RSPH10B: variants seen among roughly 807,000 people sequenced by gnomAD.
RSPH10B encodes radial spoke head 10 homolog B.
In RSPH10B, 7 loss-of-function variants were observed where a neutral mutation model predicts 52.5. That is an observed-to-expected ratio of 0.13 (90% confidence interval 0.08 to 0.25). The LOEUF (loss-of-function observed/expected upper bound fraction) is 0.25. Among genes scored for constraint, RSPH10B ranks in the 10% least tolerant of loss-of-function variants. RSPH10B has a pLI of 1.00. For synonymous variants in RSPH10B, 28 were observed against 193.2 expected (o/e 0.14, Z 7.09); for missense variants, 89 against 542.5 (o/e 0.16, Z 8.30).
chr7:5,942,896 T>TTA (rs1188484420), intron 13 of RSPH10B, among the ~76,000 whole-genome samples: 30 of 129,420 alleles, frequency 2.3e-4, no homozygotes, highest in South Asian at 4.5e-4. Flanking sequence ...TATATATTTA[T>TTA]TATATATATA....
intron 10 of RSPH10B, among the ~76,000 whole-genome samples, chr7:5,947,749 G>C (rs1780488578): frequency 1.9e-5 from 1 of 52,288 alleles, no homozygotes; most frequent in African/African-American, 6.8e-5. Context: ...CAAAAAAACA[G>C]ATGAAAGTTC....
rs564104740 is a variant in RSPH10B at position 5,928,321 on chromosome 7, AAAG to A, written c.2304_2306del (p.Phe769del). 913 of 1,612,778 alleles carry A rather than the reference AAAG, an allele frequency of 5.7e-4. 5 individuals carry two copies. In the African/African-American group the frequency reaches 0.011, roughly 19 times the overall value. On this transcript the variant is annotated inframe_deletion, in exon 18 of 19. Transcript: ENST00000337579. ...TATACGCATGAAAGAGCGTGTTCAC[AAAG>A]AAGACGTACATATTATTGACCCACG...
intron 17 of RSPH10B, among the ~76,000 whole-genome samples, chr7:5,928,905 C>A (rs1330506232): frequency 6.7e-6 from 1 of 148,972 alleles, no homozygotes; most frequent in African/African-American, 2.5e-5. Context: ...GGATTACAGG[C>A]ATGAGCCACT....
At chr7:5,965,824 A>AAAAAAAT (rs1554291032) in intron 1 of RSPH10B, 112 bp from the exon 4 acceptor site, 1 of 155,652 alleles carries the variant, frequency 6.4e-6, no homozygotes, top group African/African-American at 4.8e-5. Flanking sequence ...GAAAAAAAAA[A>AAAAAAAT]ATATATATAT....
chr7:5,927,095 TG>T (rs1779527614), intron 18 of RSPH10B, among the ~76,000 whole-genome samples: 2 of 143,584 alleles, frequency 1.4e-5, no homozygotes, highest in Non-Finnish European at 3.1e-5. Flanking sequence ...TGTGTGTGTG[TG>T]TATTTTTTTT....
chr7:5,950,873 AC>A (rs1780583469), intron 9 of RSPH10B, among the ~76,000 whole-genome samples: 1 of 30,196 alleles, frequency 3.3e-5, no homozygotes, highest in Non-Finnish European at 7.5e-5. Flanking sequence ...GCTTTTGAAA[AC>A]GCAATTCAAC....
At chr7:5,943,059 A>G (rs1279097464) in intron 13 of RSPH10B, among the ~76,000 whole-genome samples, 1 of 150,406 alleles carries the variant, frequency 6.6e-6, no homozygotes, top group East Asian at 1.9e-4. Flanking sequence ...ATATATATGC[A>G]TGCCATGGGC....
intron 17 of RSPH10B, among the ~76,000 whole-genome samples, chr7:5,931,856 A>T (rs1779792055): frequency 6.6e-6 from 1 of 150,910 alleles, no homozygotes; most frequent in African/African-American, 2.4e-5. Flanking sequence ...AGGTGCAGTG[A>T]TGGGTGCCTG....
At chr7:5,941,519 C>T (rs1780184997) in intron 13 of RSPH10B, among the ~76,000 whole-genome samples, 5 of 149,236 alleles carry the variant, frequency 3.4e-5, no homozygotes, top group Admixed American at 2.7e-4. Context: ...CCGACACGGG[C>T]GGATCACGAG....
At chr7:5,956,832 G>T (rs1583241326) in intron 6 of RSPH10B, among the ~76,000 whole-genome samples, 1 of 91,034 alleles carries the variant, frequency 1.1e-5, no homozygotes, top group African/African-American at 3.6e-5. Context: ...AAAGTGCTGG[G>T]ATTACACGTG....
intron 7 of RSPH10B, among the ~76,000 whole-genome samples, chr7:5,954,988 TAAAAAA>T (rs1185408288): frequency 1.7e-4 from 4 of 24,160 alleles, no homozygotes; most frequent in African/African-American, 4.9e-4. Flanking sequence ...CTGTAACTAC[TAAAAAA>T]AAAAAAAAAA....
intron 17 of RSPH10B, among the ~76,000 whole-genome samples, chr7:5,929,001 C>T (rs567878593): frequency 1.4e-5 from 2 of 146,410 alleles, no homozygotes; most frequent in Non-Finnish European, 1.5e-5. Context: ...TAAAAAAACT[C>T]GTTTCTCTTG....
intron 18 of RSPH10B, among the ~76,000 whole-genome samples, chr7:5,927,209 T>C (rs1248325428): frequency 1.8e-4 from 23 of 131,330 alleles, no homozygotes; most frequent in South Asian, 1.2e-3. Context: ...CCTGCCTCAG[T>C]CTCCAAAGTA....
In RSPH10B at chr7:5,944,887, G is replaced by A. The variant is rs529712875; in HGVS notation, c.1529+177C>T. Among the ~76,000 whole-genome samples, 10 of 147,514 alleles carry A rather than the reference G, an allele frequency of 6.8e-5. No individual in the cohort carries two copies. The South Asian group carries it at 1.3e-3, about 19-fold the overall frequency. On this transcript the variant is annotated intron_variant, in intron 11 of 18. Coordinates refer to ENST00000337579, the Ensembl canonical transcript of RSPH10B. ...CTGAGGCAGAAGAATTGCTTGAACC[G>A]GGGAGGCAGAGGTTGCAGTGAGCCA...
chr7:5,943,646 C>T (rs1451813603), intron 12 of RSPH10B, among the ~76,000 whole-genome samples, 174 bp from the exon 15 acceptor site: 5 of 148,282 alleles, frequency 3.4e-5, no homozygotes, highest in Admixed American at 1.4e-4. Context: ...CAGGCTCAAG[C>T]GATTCTCCTG....
At chr7:5,945,598 AAC>A in intron 10 of RSPH10B, among the ~76,000 whole-genome samples, 1 of 76,712 alleles carries the variant, frequency 1.3e-5, no homozygotes, top group African/African-American at 5.0e-5. Flanking sequence ...CAGCCTGGGC[AAC>A]AGAGCGAGAC....
intron 13 of RSPH10B, among the ~76,000 whole-genome samples, chr7:5,942,908 T>A (rs867734798): frequency 2.6e-5 from 3 of 117,434 alleles, no homozygotes; most frequent in Admixed American, 9.8e-5. Context: ...ATATATATAT[T>A]TATTTATATA....
Position 5,940,159 on chromosome 7 carries a change from C to T in RSPH10B, c.1759-1330G>A, listed in dbSNP as rs1259389372. Among the ~76,000 whole-genome samples the T allele has an allele frequency of 1.4e-4, 14 of 101,242 alleles. 1 individual carries two copies. Among genetic ancestry groups the T allele is most frequent in the Non-Finnish European group, 2.1e-4 (9 of 43,712 alleles). The allele number at this position is 101,242 out of a possible 152,430, so 66.4% of individuals were successfully genotyped here. A position where few individuals can be genotyped will look rare whatever the true frequency, so the allele number is the denominator to read the frequency against. On this transcript the variant is annotated intron_variant, in intron 13 of 18. Transcript: ENST00000337579. ...TTGCAGTGAGGTGAGATCGTGCCAC[C>T]GCACTCCAGCCTGGGTGACAGAGCA...
chr7:5,957,909 G>A lies in RSPH10B; in HGVS notation c.778C>T (p.Gln260Ter), dbSNP rs1780783876. Residue 260 changes from glutamine to a stop codon, truncating the protein, a stop_gained and splice_region_variant, in exon 6 of 19, where the codon CAG becomes TAG. Coordinates refer to ENST00000337579, the Ensembl canonical transcript of RSPH10B. LOFTEE classifies it high-confidence loss of function. Reference sequence around the variant, plus strand: ...GCTGCTACCCCGCCCGGGCGTACCTGGATGCCCCTCTCCCACCGCCCGGTG... The same window carrying A: ...GCTGCTACCCCGCCCGGGCGTACCTAGATGCCCCTCTCCCACCGCCCGGTG... The A allele has an allele frequency of 7.5e-7, 1 of 1,328,558 alleles. No homozygotes were observed. Among genetic ancestry groups the A allele is most frequent in the African/African-American group, 1.8e-5 (1 of 57,016 alleles). The allele number at this position is 1,328,558 out of a possible 1,614,324, so 82.3% of individuals were successfully genotyped here. A position where few individuals can be genotyped will look rare whatever the true frequency, so the allele number is the denominator to read the frequency against.
Sources: gnomAD v4.1 joint callset for allele counts (sites outside exome capture counted in the v4.1 genomes callset) on GRCh38, gnomAD v4.1.1 for gene constraint, MANE v1.5 for transcripts, NCBI Gene and HGNC (gene_info 2026-07-23, HGNC 2026-07-21) for gene names.